PCDH11X: variants seen among roughly 807,000 people sequenced by gnomAD.
PCDH11X encodes protocadherin-11 X-linked.
Under a neutral mutation model 53.3 loss-of-function variants are expected in PCDH11X, and 18 were observed. That is an observed-to-expected ratio of 0.34 (90% CI 0.23 to 0.50). The LOEUF (loss-of-function observed/expected upper bound fraction) is 0.50, where lower values mean the gene tolerates loss of function less well. PCDH11X is among the 20% of genes least tolerant of loss of function. The probability of loss-of-function intolerance (pLI) is 0.98; values close to 1 mark genes in which losing one functional copy is unlikely to be tolerated. For missense variants in PCDH11X, 570 were observed against 1,032.4 expected, an observed-to-expected ratio of 0.55 and a Z score of 6.14; for synonymous variants, 279 against 393.3, an observed-to-expected ratio of 0.71 and a Z score of 3.44.
chrX:92,552,062 A>G (rs2750507), intron 10 of PCDH11X, among the ~76,000 whole-genome samples: 1 of 98,203 alleles, frequency 1.0e-5, no homozygotes, highest in Admixed American at 1.1e-4. Context: ...AAGATTCAGG[A>G]TGATTTTTCT....
At chrX:91,944,543 C>G (rs1416332117) in intron 6 of PCDH11X, among the ~76,000 whole-genome samples, 1 of 104,874 alleles carries the variant, frequency 9.5e-6, no homozygotes, top group Non-Finnish European at 2.0e-5. Context: ...ATCAAATAAG[C>G]CTTTGATATT....
chrX:92,204,503 T>A (rs2066443125), intron 7 of PCDH11X, among the ~76,000 whole-genome samples: 2 of 111,940 alleles, frequency 1.8e-5, no homozygotes, highest in Admixed American at 9.5e-5. Context: ...CTCATCTCCA[T>A]CTGAGACCAC....
At chrX:91,854,748 A>C (rs1009040099) in intron 5 of PCDH11X, among the ~76,000 whole-genome samples, 52 of 112,202 alleles carry the variant, frequency 4.6e-4, no homozygotes, top group African/African-American at 1.6e-3. Flanking sequence ...ATGATTAATT[A>C]TGTCAAACAT....
chrX:92,573,185 A>G (rs1305951297), intron 10 of PCDH11X, among the ~76,000 whole-genome samples: 1 of 111,084 alleles, frequency 9.0e-6, no homozygotes, highest in African/African-American at 3.3e-5. Context: ...ATTTTTGAGC[A>G]CTTGGGGAGG....
intron 6 of PCDH11X, among the ~76,000 whole-genome samples, chrX:92,189,091 C>A (rs1052244196): frequency 9.0e-6 from 1 of 110,651 alleles, no homozygotes; most frequent in Non-Finnish European, 1.9e-5. Context: ...GGTACATGTG[C>A]AGGATGTGCA....
chrX:92,179,671 C>T (rs2065962893), intron 6 of PCDH11X, among the ~76,000 whole-genome samples: 1 of 112,094 alleles, frequency 8.9e-6, no homozygotes. Context: ...GGAATAAGCA[C>T]TGTTAAAAAT....
Position 91,881,848 on chromosome X carries a change from G to A in PCDH11X, c.3033+2575G>A, listed in dbSNP as rs1159217924. 3.2e-4 allele frequency among the ~76,000 whole-genome samples: 35 copies of A among 110,381 alleles called. 1 individual carries two copies. The Admixed American group carries it at 3.3e-3, about 10-fold the overall frequency. On this transcript the variant is annotated intron_variant, in intron 6 of 10. Transcript: ENST00000682573. The stretch of plus-strand genomic sequence containing the variant: ...AATAAAATATTACTGTTAGCAGAAG[G>A]CAGAATTATTCCAATTTATTTTAAA...
intron 8 of PCDH11X, among the ~76,000 whole-genome samples, chrX:92,273,949 A>G (rs775572447): frequency 9.1e-5 from 10 of 109,711 alleles, no homozygotes; most frequent in Non-Finnish European, 1.9e-4. Context: ...GGATAGCACC[A>G]GGAGATATCA....
chrX:92,069,163 G>T (rs2148075683), intron 6 of PCDH11X, among the ~76,000 whole-genome samples: 1 of 110,045 alleles, frequency 9.1e-6, no homozygotes, highest in African/African-American at 3.3e-5. Flanking sequence ...CCAGTGTTGG[G>T]TGCATATATG....
chrX:92,540,723 A>G (rs1208441833), intron 10 of PCDH11X, among the ~76,000 whole-genome samples: 3 of 107,509 alleles, frequency 2.8e-5, no homozygotes, highest in Non-Finnish European at 5.7e-5. Context: ...CTCCCTGACT[A>G]TCACTCCTTA....
chrX:92,409,793 TTACTC>T (rs1178145983), intron 9 of PCDH11X, among the ~76,000 whole-genome samples: 1 of 112,119 alleles, frequency 8.9e-6, no homozygotes, highest in Non-Finnish European at 1.9e-5. Context: ...GTTAATTGCT[TTACTC>T]TACCTCATTT....
intron 5 of PCDH11X, among the ~76,000 whole-genome samples, chrX:91,859,999 G>A: frequency 9.1e-6 from 1 of 109,751 alleles, no homozygotes; most frequent in East Asian, 2.9e-4. Context: ...CTAATTATGT[G>A]AAGAATGCCA....
At chrX:92,232,966 C>A (rs776603164) in intron 7 of PCDH11X, among the ~76,000 whole-genome samples, 2 of 111,712 alleles carry the variant, frequency 1.8e-5, no homozygotes, top group African/African-American at 6.5e-5. Context: ...CCGCCCACCG[C>A]GGCCTCCCAA....
chrX:91,846,496 T>C (rs1320260871), intron 5 of PCDH11X, among the ~76,000 whole-genome samples: 1 of 109,086 alleles, frequency 9.2e-6, no homozygotes, highest in Non-Finnish European at 1.9e-5. Flanking sequence ...CGGGCTCCTG[T>C]AGTCCCAGCT....
intron 5 of PCDH11X, among the ~76,000 whole-genome samples, chrX:91,855,039 G>A (rs1938247683): frequency 9.0e-6 from 1 of 111,673 alleles, no homozygotes; most frequent in Non-Finnish European, 1.9e-5. Flanking sequence ...TTGGTTGCCT[G>A]TGCTTGTGAG....
In PCDH11X at chrX:91,906,843, T is replaced by A. The variant is rs1216351130; in HGVS notation, c.3033+27570T>A. On this transcript the variant is annotated intron_variant, in intron 6 of 10. Coordinates refer to ENST00000682573, the MANE Select transcript of PCDH11X (RefSeq NM_032968.5). ...AATTAACAAAGAATCATGGCATTTG[T>A]TAGATTCATAGGTAGTGACAAACAA... is the stretch of plus-strand genomic sequence containing the variant. Among the ~76,000 whole-genome samples the A allele has an allele frequency of 7.9e-4, 88 of 111,136 alleles. 2 individuals are homozygous for A. The highest frequency in any genetic ancestry group is 6.5e-3 in the Admixed American group (67 of 10,355).
At chrX:91,917,146 T>A (rs933511908) in intron 6 of PCDH11X, among the ~76,000 whole-genome samples, 2 of 110,632 alleles carry the variant, frequency 1.8e-5, no homozygotes, top group African/African-American at 6.5e-5. Flanking sequence ...AAAATTGGCA[T>A]ACAAAGGACA....
At chrX:91,997,131 G>A (rs1343045710) in intron 6 of PCDH11X, among the ~76,000 whole-genome samples, 2 of 111,239 alleles carry the variant, frequency 1.8e-5, no homozygotes, top group South Asian at 3.7e-4. Context: ...TTGGTGGATC[G>A]TTAGTGTTTT....
In PCDH11X at chrX:91,904,956, A is replaced by G. The variant is rs763837615; in HGVS notation, c.3033+25683A>G. On this transcript the variant is annotated intron_variant, in intron 6 of 10. Coordinates refer to ENST00000682573, the MANE Select transcript of PCDH11X (RefSeq NM_032968.5). ...AAATTGTTTTAGACATTTCATTTAC[A>G]ACAATAGTACAGGGGAAAAGAATAA... Among the ~76,000 whole-genome samples, 304 of 110,242 alleles carry G rather than the reference A, an allele frequency of 2.8e-3. 1 individual carries two copies. Among genetic ancestry groups the G allele is most frequent in the African/African-American group, 9.5e-3 (288 of 30,452 alleles).
Sources: gnomAD v4.1 joint callset for allele counts (sites outside exome capture counted in the v4.1 genomes callset) on GRCh38, gnomAD v4.1.1 for gene constraint, MANE v1.5 for transcripts, NCBI Gene and HGNC (gene_info 2026-07-23, HGNC 2026-07-21) for gene names.